The following MPP2 variants were observed in gnomAD, a reference collection of about 807,000 sequenced individuals.
The protein encoded by MPP2 is MAGUK p55 subfamily member 2.
Under a neutral mutation model 58.5 loss-of-function variants are expected in MPP2, and 42 were observed. The ratio of observed to expected loss-of-function variants is 0.72; its 90% CI spans 0.56 to 0.93. The LOEUF (loss-of-function observed/expected upper bound fraction) is 0.93, where lower values mean the gene tolerates loss of function less well. MPP2 is among the 40% of genes least tolerant of loss of function. The pLI is 0.00. For synonymous variants in MPP2, 300 were observed against 307.8 expected (o/e 0.97, Z 0.26); for missense variants, 632 against 760.4 (o/e 0.83, Z 1.99).
intron 3 of MPP2, among the ~76,000 whole-genome samples, chr17:43,894,956 C>G (rs1385671688): frequency 6.6e-6 from 1 of 151,940 alleles, no homozygotes; most frequent in Non-Finnish European, 1.5e-5. Context: ...AAAAATCCCA[C>G]AAAGGTATAT....
chr17:43,889,569 G>T (rs971958514), intron 3 of MPP2, among the ~76,000 whole-genome samples: 4 of 150,422 alleles, frequency 2.7e-5, no homozygotes, highest in African/African-American at 9.8e-5. Context: ...CCATGTTGGT[G>T]AGGCTGGCCT....
At chr17:43,895,120 A>T (rs1628915) in intron 3 of MPP2, among the ~76,000 whole-genome samples, 15,957 of 143,986 alleles carry the variant, frequency 0.11, 929 homozygotes, top group Middle Eastern at 0.19. Context: ...TTATTTATTT[A>T]TTTTTTTTTT....
chr17:43,882,601 C>G, intron 5 of MPP2, 90 bp from the exon 6 acceptor site: 3 of 1,208,442 alleles, frequency 2.5e-6, no homozygotes, highest in Non-Finnish European at 3.4e-6. Context: ...CATTCCTGTC[C>G]CTACCCACCC....
intron 4 of MPP2, 44 bp downstream of exon 4, chr17:43,883,159 C>CA: frequency 1.9e-6 from 3 of 1,567,342 alleles, no homozygotes; most frequent in Non-Finnish European, 2.6e-6. Flanking sequence ...TGCCCCAGTC[C>CA]ACCCACCTCC....
intron 2 of MPP2, 69 bp from the exon 3 acceptor site, chr17:43,898,449 A>C: frequency 5.7e-6 from 6 of 1,057,170 alleles, no homozygotes; most frequent in Non-Finnish European, 8.7e-6. Context: ...ACACACCACA[A>C]TACTTGCCAC....
chr17:43,891,514 CAAA>C (rs779016006), intron 3 of MPP2, among the ~76,000 whole-genome samples: 1 of 133,058 alleles, frequency 7.5e-6, no homozygotes, highest in Non-Finnish European at 1.6e-5. Context: ...GACTCCGTCT[CAAA>C]AAAAAAAAAA....
intron 2 of MPP2, among the ~76,000 whole-genome samples, chr17:43,904,052 C>A (rs1349608940): frequency 2.0e-5 from 3 of 152,202 alleles, no homozygotes; most frequent in Non-Finnish European, 2.9e-5. Context: ...CTGCTGTAAT[C>A]CCTCCACCCC....
chr17:43,905,447 C>T (rs551654236), intron 1 of MPP2: 1 of 152,478 alleles, frequency 6.6e-6, no homozygotes, highest in East Asian at 1.9e-4. Context: ...ACCAAGTGCT[C>T]TGGGCAGAAC....
At chr17:43,891,377 G>A (rs565862144) in intron 3 of MPP2, among the ~76,000 whole-genome samples, 7 of 151,862 alleles carry the variant, frequency 4.6e-5, no homozygotes, top group Admixed American at 1.3e-4. Context: ...CAAATTAGCC[G>A]GGGATGGTGG....
chr17:43,895,182 T>C (rs2047795136), intron 3 of MPP2, among the ~76,000 whole-genome samples: 1 of 152,074 alleles, frequency 6.6e-6, no homozygotes, highest in African/African-American at 2.4e-5. Context: ...GGCATGATCA[T>C]GGCTCATTGT....
At chr17:43,907,807 TA>T (rs2048352827), upstream of MPP2, 1 of 985,252 alleles carries the variant, frequency 1.0e-6, no homozygotes, top group South Asian at 4.7e-5. Flanking sequence ...AAGGATCCCT[TA>T]AAGGGGCGAT....
chr17:43,907,602 A>C (rs1020469002), upstream of MPP2: 5 of 985,362 alleles, frequency 5.1e-6, no homozygotes, highest in African/African-American at 5.2e-5. Context: ...GGAGGTCCGG[A>C]GGAGAGGGGA....
At chr17:43,892,823 T>C (rs231506) in intron 3 of MPP2, among the ~76,000 whole-genome samples, 126,570 of 152,174 alleles carry the variant, frequency 0.83, 53,121 homozygotes, top group East Asian at 1. Flanking sequence ...TTGGTTCATT[T>C]TCAATTAGGC....
At chr17:43,885,626 G>A (rs2047333046) in intron 3 of MPP2, among the ~76,000 whole-genome samples, 1 of 152,084 alleles carries the variant, frequency 6.6e-6, no homozygotes, top group Non-Finnish European at 1.5e-5. Flanking sequence ...AATAACATCA[G>A]TATATTTACT....
chr17:43,907,591 C>A (rs1340666481), upstream of MPP2: 1 of 985,352 alleles, frequency 1.0e-6, no homozygotes, highest in Non-Finnish European at 1.2e-6. Flanking sequence ...CGCGAGGGGG[C>A]GGAGGTCCGG....
chr17:43,890,247 T>C (rs975453460), intron 3 of MPP2, among the ~76,000 whole-genome samples: 2 of 152,216 alleles, frequency 1.3e-5, no homozygotes, highest in African/African-American at 4.8e-5. Flanking sequence ...TGCTAAGACT[T>C]ATTCTTCTTT....
intron 1 of MPP2, among the ~76,000 whole-genome samples, chr17:43,906,826 C>T (rs2143815611): frequency 6.6e-6 from 1 of 152,026 alleles, no homozygotes. Context: ...TAAATGACTG[C>T]CCCGGCCAAC....
intron 3 of MPP2, among the ~76,000 whole-genome samples, chr17:43,895,917 C>A (rs2047823560): frequency 6.6e-6 from 1 of 152,254 alleles, no homozygotes; most frequent in Admixed American, 6.5e-5. Context: ...GAACTTCCCA[C>A]TATTAAACCT....
chr17:43,876,469 G>A lies in MPP2; in HGVS notation c.*1338C>T, dbSNP rs2046834402. ...CCAAGTTATGGCAGGGGGGCATTTA[G>A]GGTAGGGGGACAATAAGACAAGGGA... On this transcript the variant is annotated 3_prime_UTR_variant, in exon 13 of 13. Coordinates refer to ENST00000269095, the MANE Select transcript of MPP2 (RefSeq NM_005374.5). 1 of 152,264 alleles carries A rather than the reference G, an allele frequency of 6.6e-6. No homozygotes were observed. The highest frequency in any genetic ancestry group is 2.4e-5 in the African/African-American group (1 of 41,440). 9.4% of individuals were successfully genotyped at this position (152,264 alleles called of 1,614,324 possible).
Sources: gnomAD v4.1 joint callset for allele counts (sites outside exome capture counted in the v4.1 genomes callset) on GRCh38, gnomAD v4.1.1 for gene constraint, MANE v1.5 for transcripts, NCBI Gene and HGNC (gene_info 2026-07-23, HGNC 2026-07-21) for gene names.